The following CPNE5 variants were observed in gnomAD, a reference collection of about 807,000 sequenced individuals.
CPNE5 encodes copine 5.
Under a neutral mutation model 81.1 loss-of-function variants are expected in CPNE5, and 42 were observed. The observed-to-expected ratio is 0.52, with a 90% CI of 0.40 to 0.67. The LOEUF (loss-of-function observed/expected upper bound fraction) is 0.67. Ranked by LOEUF, CPNE5 falls within the 30% of genes least tolerant of loss-of-function variation. The probability of loss-of-function intolerance (pLI) is 0.00; values close to 1 mark genes in which losing one functional copy is unlikely to be tolerated. For synonymous variants in CPNE5, 313 were observed against 321.5 expected (o/e 0.97, Z 0.28); for missense variants, 612 against 815.5 (o/e 0.75, Z 3.04).
rs757544698 is a variant in CPNE5 at position 36,823,788 on chromosome 6, G to T, written c.96-690C>A. Among the ~76,000 whole-genome samples the T allele has an allele frequency of 9.2e-5, 14 of 152,318 alleles. 1 individual carries two copies. Among genetic ancestry groups the T allele is most frequent in the Admixed American group, 6.5e-4 (10 of 15,302 alleles). Reference sequence around the variant, plus strand: ...AGGCTCCCATTTACTGAGCCCCGGCGATGGGTCAGGCAGTGCGCTGTTTTA... The same window carrying T: ...AGGCTCCCATTTACTGAGCCCCGGCTATGGGTCAGGCAGTGCGCTGTTTTA... On this transcript the variant is annotated intron_variant, in intron 1 of 20. Coordinates refer to ENST00000244751, the MANE Select transcript of CPNE5 (RefSeq NM_020939.2).
chr6:36,744,399 G>T (rs1446065556), intron 18 of CPNE5, 74 bp from the exon 19 acceptor site: 1 of 1,199,088 alleles, frequency 8.3e-7, no homozygotes. Flanking sequence ...AGAAATCAGG[G>T]GTAGGACAGG....
At chr6:36,799,739 T>C (rs554697419) in intron 4 of CPNE5, among the ~76,000 whole-genome samples, 1 of 152,336 alleles carries the variant, frequency 6.6e-6, no homozygotes, top group African/African-American at 2.4e-5. Context: ...CATCCCCAAC[T>C]TAACTGAGAC....
At chr6:36,774,907 T>C in intron 10 of CPNE5, 54 bp downstream of exon 10, 1 of 1,389,974 alleles carries the variant, frequency 7.2e-7, no homozygotes, top group South Asian at 1.2e-5. Context: ...TCACTTGTGC[T>C]TGGGGAGGGC....
intron 6 of CPNE5, among the ~76,000 whole-genome samples, chr6:36,797,380 C>T (rs572921502): frequency 1.3e-5 from 2 of 152,196 alleles, no homozygotes; most frequent in Non-Finnish European, 2.9e-5. Flanking sequence ...TCAAAAGCCT[C>T]GGGATCCAGT....
At position 36,783,252 on chromosome 6, in the gene CPNE5, G is replaced by A. The variant is rs546099955; in HGVS notation, c.529-4295C>T. The stretch of plus-strand genomic sequence containing the variant: ...GAGGGTGGGAGGAAGGAGAGGATCA[G>A]GAAAAATAACTAATGGGTGCTAGGC... On this transcript the variant is annotated intron_variant, in intron 8 of 20. Coordinates refer to ENST00000244751, the MANE Select transcript of CPNE5 (RefSeq NM_020939.2). Among the ~76,000 whole-genome samples the A allele has an allele frequency of 7.2e-4, 110 of 151,948 alleles. 2 individuals carry two copies. Among genetic ancestry groups the A allele is most frequent in the Admixed American group, 2.2e-3 (34 of 15,262 alleles).
chr6:36,833,493 A>G (rs1196054110), intron 1 of CPNE5, among the ~76,000 whole-genome samples: 1 of 152,170 alleles, frequency 6.6e-6, no homozygotes, highest in Non-Finnish European at 1.5e-5. Context: ...GATTACAGTT[A>G]CTTTACATAA....
chr6:36,798,290 A>G (rs1349329952), intron 5 of CPNE5, 49 bp from the exon 6 acceptor site: 3 of 1,576,536 alleles, frequency 1.9e-6, no homozygotes, highest in Non-Finnish European at 2.6e-6. Flanking sequence ...CTCTGCTCAC[A>G]GCTATCCCAC....
intron 8 of CPNE5, among the ~76,000 whole-genome samples, chr6:36,780,575 A>G (rs964807262): frequency 1.6e-4 from 24 of 152,218 alleles, no homozygotes; most frequent in African/African-American, 5.5e-4. Context: ...AAGTGAGTTA[A>G]CAGGAGTACA....
At chr6:36,819,933 A>C (rs948138120) in intron 3 of CPNE5, among the ~76,000 whole-genome samples, 2 of 152,170 alleles carry the variant, frequency 1.3e-5, no homozygotes, top group Admixed American at 1.3e-4. Context: ...CACCTGGAGC[A>C]AGCGCAATCT....
rs760842258 is a variant in CPNE5, at chr6:36,762,901, C to T, written c.855+16G>A. On this transcript the variant is annotated intron_variant, in intron 12 of 20. Transcript: ENST00000244751. ...ACTTAGTAGTGCAAACCCTGGATTT[C>T]GGGTGCCCACCTCACCTCATAGATG... is the stretch of plus-strand genomic sequence containing the variant. 23 of 1,611,720 alleles carry T rather than the reference C, an allele frequency of 1.4e-5. No individual in the cohort carries two copies. Among genetic ancestry groups the T allele is most frequent in the Middle Eastern group, 1.6e-4 (1 of 6,080 alleles).
At chr6:36,822,696 G>A (rs899558119) in intron 2 of CPNE5, among the ~76,000 whole-genome samples, 3 of 152,100 alleles carry the variant, frequency 2.0e-5, no homozygotes, top group African/African-American at 7.2e-5. Context: ...CAGGTCACAC[G>A]CTTGGGTGGC....
intron 9 of CPNE5, 67 bp from the exon 10 acceptor site, chr6:36,775,132 A>G: frequency 8.6e-7 from 1 of 1,165,826 alleles, no homozygotes; most frequent in Non-Finnish European, 1.3e-6. Flanking sequence ...GCAGGTCAAC[A>G]GAGGAGTCAG....
intron 14 of CPNE5, among the ~76,000 whole-genome samples, chr6:36,751,346 A>G (rs1764801635): frequency 1.3e-5 from 2 of 152,212 alleles, no homozygotes; most frequent in African/African-American, 4.8e-5. Context: ...CTGATTCATT[A>G]CTATAGAATG....
chr6:36,756,126 G>A (rs957721088), intron 13 of CPNE5, 119 bp downstream of exon 13: 14 of 442,876 alleles, frequency 3.2e-5, no homozygotes, highest in African/African-American at 2.8e-4. Flanking sequence ...TCTCTTGGAT[G>A]TCTGATTCCC....
Position 36,823,108 on chromosome 6 carries a change from G to C in CPNE5, c.96-10C>G, listed in dbSNP as rs1234303453. ...TTTGTCCAGGAGGTTCCTGAAAGAG[G>C]GGGAGAGAGGAGGGGTTAGCACGGC... On this transcript the variant is annotated splice_polypyrimidine_tract_variant and intron_variant, in intron 1 of 20. Coordinates refer to ENST00000244751, the MANE Select transcript of CPNE5 (RefSeq NM_020939.2). 4.5e-6 allele frequency: 7 copies of C among 1,561,272 alleles called. No homozygotes were observed. In the African/African-American group the frequency reaches 8.2e-5, roughly 18 times the overall value.
chr6:36,824,565 C>A (rs959551425), intron 1 of CPNE5, among the ~76,000 whole-genome samples: 1 of 152,246 alleles, frequency 6.6e-6, no homozygotes, highest in Middle Eastern at 3.2e-3. Context: ...CACAACCCCC[C>A]ACAGGGGCCT....
Position 36,745,371 on chromosome 6 carries a change from G to T in CPNE5, c.1328+17C>A. On this transcript the variant is annotated intron_variant, in intron 17 of 20. Coordinates refer to ENST00000244751, the MANE Select transcript of CPNE5 (RefSeq NM_020939.2). ...GAGGCCTTGTGAGTGCCTGGAGGCG[G>T]TGGCAGCGGCACTCACCTGGCCACG... 6.3e-7 allele frequency: 1 copy of T among 1,599,492 alleles called. No individual in the cohort carries two copies.
At chr6:36,797,287 C>T (rs942772503) in intron 6 of CPNE5, among the ~76,000 whole-genome samples, 2 of 152,282 alleles carry the variant, frequency 1.3e-5, no homozygotes, top group Admixed American at 1.3e-4. Context: ...CCTTTCCCGG[C>T]CGCTTTGCCC....
intron 13 of CPNE5, chr6:36,755,450 C>T (rs962245792): frequency 1.3e-5 from 2 of 152,134 alleles, no homozygotes; most frequent in African/African-American, 4.8e-5. Context: ...TCCTCCATTG[C>T]CTGTCCCTTT....
Sources: gnomAD v4.1 joint callset for allele counts (sites outside exome capture counted in the v4.1 genomes callset) on GRCh38, gnomAD v4.1.1 for gene constraint, MANE v1.5 for transcripts, NCBI Gene and HGNC (gene_info 2026-07-23, HGNC 2026-07-21) for gene names.